The following ITGB3BP variants were observed in gnomAD, a reference collection of about 807,000 sequenced individuals.
ITGB3BP encodes the protein centromere protein R.
In ITGB3BP, 27 loss-of-function variants were observed where a neutral mutation model predicts 29.1. The ratio of observed to expected loss-of-function variants is 0.93; its 90% CI spans 0.68 to 1.28. The LOEUF (loss-of-function observed/expected upper bound fraction) is 1.28, where lower values mean the gene tolerates loss of function less well. Ranked by LOEUF, ITGB3BP falls within the 50% of genes most tolerant of loss-of-function variation. The pLI, the probability that ITGB3BP is intolerant of heterozygous loss-of-function variation, is 0.00. For synonymous variants in ITGB3BP, 61 were observed against 61.4 expected (o/e 0.99, Z 0.03); for missense variants, 192 against 200.2 (o/e 0.96, Z 0.25).
At chr1:63,458,797 C>A (rs559465505) in intron 4 of ITGB3BP, among the ~76,000 whole-genome samples, 2 of 152,014 alleles carry the variant, frequency 1.3e-5, no homozygotes, top group South Asian at 2.1e-4. Context: ...TGGGAGGGAC[C>A]CAGTAACTAT....
chr1:63,454,081 A>G lies in ITGB3BP; in HGVS notation c.428-107T>C. Reference sequence around the variant, plus strand: ...AGAAAAAAATAATTCAAAATAATACATATTTATAAGTACCAAATATAAAAT... The same window carrying G: ...AGAAAAAAATAATTCAAAATAATACGTATTTATAAGTACCAAATATAAAAT... On this transcript the variant is annotated intron_variant, in intron 6 of 8. Coordinates refer to ENST00000271002, the MANE Select transcript of ITGB3BP (RefSeq NM_014288.5). This position sits in a 1 kb window ranked among gnomAD's most constrained non-coding sequence, Gnocchi z 4.1. The G allele has an allele frequency of 1.7e-6, 1 of 600,860 alleles. No individual in the cohort carries two copies. The allele number at this position is 600,860 out of a possible 1,614,324, so 37.2% of individuals were successfully genotyped here.
At chr1:63,458,274 C>T (rs1644964229) in intron 4 of ITGB3BP, 1 of 152,082 alleles carries the variant, frequency 6.6e-6, no homozygotes, top group African/African-American at 2.4e-5. Flanking sequence ...ATCTTGGCCA[C>T]TTTCAATTCT....
At chr1:63,524,787 A>G (rs1646553127), upstream of ITGB3BP, among the ~76,000 whole-genome samples, 1 of 152,094 alleles carries the variant, frequency 6.6e-6, no homozygotes, top group African/African-American at 2.4e-5. Flanking sequence ...CTACCCCTCA[A>G]TTTCCTCATC....
At chr1:63,486,904 G>A (rs1247567320) in intron 3 of ITGB3BP, among the ~76,000 whole-genome samples, 2 of 152,010 alleles carry the variant, frequency 1.3e-5, no homozygotes, top group Admixed American at 6.6e-5. Context: ...TGCAACACTT[G>A]AGCTCACTAC....
At chr1:63,528,126 A>G (rs953046750), upstream of ITGB3BP, among the ~76,000 whole-genome samples, 1 of 152,214 alleles carries the variant, frequency 6.6e-6, no homozygotes, top group Non-Finnish European at 1.5e-5. Context: ...CTGCACTCCC[A>G]TGTTTACTGC....
At chr1:63,472,993 C>T (rs1439894092) in intron 4 of ITGB3BP, among the ~76,000 whole-genome samples, 4 of 150,806 alleles carry the variant, frequency 2.7e-5, no homozygotes, top group East Asian at 4.0e-4. Flanking sequence ...AAGTGAGGAG[C>T]GTCTCTGCCC....
At chr1:63,507,926 T>C (rs1646117067) in intron 2 of ITGB3BP, among the ~76,000 whole-genome samples, 1 of 152,196 alleles carries the variant, frequency 6.6e-6, no homozygotes, top group Non-Finnish European at 1.5e-5. Flanking sequence ...TCTAGATCCA[T>C]AGTTGGTATG....
intron 1 of ITGB3BP, among the ~76,000 whole-genome samples, chr1:63,517,993 G>T (rs967062661): frequency 1.3e-5 from 2 of 152,204 alleles, no homozygotes; most frequent in Admixed American, 6.5e-5. Flanking sequence ...AAAGTGATGG[G>T]ATTACCGGCA....
At chr1:63,485,043 T>A (rs977960131) in intron 3 of ITGB3BP, among the ~76,000 whole-genome samples, 7 of 152,036 alleles carry the variant, frequency 4.6e-5, no homozygotes, top group East Asian at 1.9e-4. Context: ...TAGCTTTTTT[T>A]AAAAAGCTAG....
chr1:63,514,798 T>G (rs1351542614), intron 1 of ITGB3BP, among the ~76,000 whole-genome samples: 1 of 151,926 alleles, frequency 6.6e-6, no homozygotes, highest in Non-Finnish European at 1.5e-5. Context: ...ATACAAAAAT[T>G]AGCTGGGTGT....
intron 3 of ITGB3BP, among the ~76,000 whole-genome samples, chr1:63,485,074 T>C (rs138719568): frequency 0.011 from 1,654 of 152,174 alleles, 12 homozygotes; most frequent in Non-Finnish European, 0.015. Flanking sequence ...GTTTTCTTTT[T>C]CTATTCCTTC....
intron 8 of ITGB3BP, 44 bp downstream of exon 8, chr1:63,446,762 G>GAAAA: frequency 7.4e-7 from 1 of 1,357,182 alleles, no homozygotes; most frequent in Non-Finnish European, 1.0e-6. Flanking sequence ...AAAACACAGT[G>GAAAA]AAATTTCACA....
chr1:63,454,891 T>C lies in ITGB3BP; in HGVS notation c.332A>G (p.Gln111Arg). The change falls in exon 5 of 9, where the codon CAG becomes CGG. Residue 111 changes from glutamine to arginine, a missense_variant and splice_region_variant. Coordinates refer to ENST00000271002, the MANE Select transcript of ITGB3BP (RefSeq NM_014288.5). The surrounding 1 kb of genome is among the most constrained non-coding windows in gnomAD (Gnocchi z 4.1). ...GTAGAAGTATGAAAAAATGCAAACC[T>C]GTATACTACTTAAATTTTGCATTAT... The part of the protein sequence containing the change: ...MEIMQNLSSI[Q>R]ALEGSRELEN... The C allele has an allele frequency of 6.8e-7, 1 of 1,469,158 alleles. No individual in the cohort carries two copies. Among genetic ancestry groups the C allele is most frequent in the South Asian group, 1.1e-5 (1 of 87,488 alleles). The allele number at this position is 1,469,158 out of a possible 1,614,324, so 91.0% of individuals were successfully genotyped here. A position where few individuals can be genotyped will look rare whatever the true frequency, so the allele number is the denominator to read the frequency against.
At chr1:63,522,643 G>T (rs888071171) in intron 1 of ITGB3BP, among the ~76,000 whole-genome samples, 6 of 151,704 alleles carry the variant, frequency 4.0e-5, no homozygotes, top group Non-Finnish European at 8.8e-5. Context: ...ATTTGTGTAA[G>T]TAAAAAAAAA....
chr1:63,520,540 A>G (rs555849221), intron 1 of ITGB3BP, among the ~76,000 whole-genome samples: 1 of 152,328 alleles, frequency 6.6e-6, no homozygotes, highest in East Asian at 1.9e-4. Context: ...AGAGAAAGCT[A>G]CACTTAGGGA....
chr1:63,480,593 A>G (rs12754236), intron 3 of ITGB3BP, among the ~76,000 whole-genome samples: 36,493 of 151,836 alleles, frequency 0.24, 4,999 homozygotes, highest in Non-Finnish European at 0.32. Context: ...CTGATTAATA[A>G]TAATTCCTCT....
rs138739919 is a variant in ITGB3BP at position 63,489,252 on chromosome 1, T to C, written c.184+831A>G. On this transcript the variant is annotated intron_variant, in intron 3 of 8. Transcript: ENST00000271002. ...CAGGTAAAATGAGACTTCTTTTTTCTGGGTAGCTTCTAGTATATGCTTAGC... is the reference window on the plus strand; with the variant it reads ...CAGGTAAAATGAGACTTCTTTTTTCCGGGTAGCTTCTAGTATATGCTTAGC... 1.8e-3 allele frequency among the ~76,000 whole-genome samples: 279 copies of C among 152,062 alleles called. 1 individual carries two copies. Among genetic ancestry groups the C allele is most frequent in the African/African-American group, 6.6e-3 (273 of 41,554 alleles).
chr1:63,456,220 A>G (rs1644934393), intron 4 of ITGB3BP, among the ~76,000 whole-genome samples: 1 of 152,234 alleles, frequency 6.6e-6, no homozygotes. Context: ...ATGTATATGT[A>G]CAGTAAGTTT....
chr1:63,491,915 GT>G (rs1013881563), intron 2 of ITGB3BP, among the ~76,000 whole-genome samples: 23 of 72,106 alleles, frequency 3.2e-4, no homozygotes, highest in African/African-American at 7.1e-4. Context: ...GTTTTTACCT[GT>G]TTGTATGTAT....
Sources: allele counts gnomAD v4.1 joint callset (sites outside exome capture counted in the v4.1 genomes callset), GRCh38; gene constraint gnomAD v4.1.1; non-coding constraint Gnocchi (gnomAD v3.1); transcripts MANE v1.5; gene names NCBI Gene and HGNC (gene_info 2026-07-23, HGNC 2026-07-21).